Variants in NBL1 observed in about 807,000 individuals in gnomAD.
NBL1 encodes the protein NBL1, DAN family BMP antagonist, also known as neuroblastoma suppressor of tumorigenicity 1.
A neutral mutation model predicts 16.0 loss-of-function variants in NBL1; 9 were observed. That is an observed-to-expected ratio of 0.56 (90% confidence interval 0.34 to 0.98). The LOEUF is 0.98. Among genes scored for constraint, NBL1 ranks in the 50% least tolerant of loss-of-function variants. NBL1 has a pLI of 0.02. For synonymous variants in NBL1, 86 were observed against 100.7 expected (o/e 0.85, Z 0.87); for missense variants, 196 against 243.1 (o/e 0.81, Z 1.29).
At chr1:19,644,106 A>G (rs2094962510), upstream of NBL1, 33 of 972,612 alleles carry the variant, frequency 3.4e-5, no homozygotes, top group South Asian at 1.2e-3. The surrounding 1 kb of genome is among the most constrained non-coding windows in gnomAD (Gnocchi z 4.6). Context: ...GCCGAAGCTC[A>G]GCCCGGGGCG....
chr1:19,656,517 A>T (rs2100449763), intron 3 of NBL1, among the ~76,000 whole-genome samples: 1 of 151,482 alleles, frequency 6.6e-6, no homozygotes. Flanking sequence ...TAGGGGGGCC[A>T]GCCAGCTGGT....
chr1:19,644,199 C>T, upstream of NBL1: 1 of 978,416 alleles, frequency 1.0e-6, no homozygotes, highest in South Asian at 4.7e-5. This position sits in a 1 kb window ranked among gnomAD's most constrained non-coding sequence, Gnocchi z 4.6. Flanking sequence ...CGCGCGCCCG[C>T]CCGCTCTTTC....
At chr1:19,649,004 G>A (rs1267129335) in intron 1 of NBL1, among the ~76,000 whole-genome samples, 1 of 152,184 alleles carries the variant, frequency 6.6e-6, no homozygotes, top group Non-Finnish European at 1.5e-5. Flanking sequence ...ACGCTAGGGT[G>A]TTAACAGGAA....
Position 19,657,896 on chromosome 1 carries a change from C to T in NBL1, c.*767C>T, listed in dbSNP as rs1304065037. On this transcript the variant is annotated 3_prime_UTR_variant, in exon 4 of 4. Transcript: ENST00000375136. ...CAAGACCATCCCTGAAGACGAGCATCCCCCTCCTCTCCCTGTTAGAAATGT... is the reference window on the plus strand; with the variant it reads ...CAAGACCATCCCTGAAGACGAGCATTCCCCTCCTCTCCCTGTTAGAAATGT... 6.5e-6 allele frequency: 1 copy of T among 152,740 alleles called. No homozygotes were observed. The highest frequency in any genetic ancestry group is 1.5e-5 in the Non-Finnish European group (1 of 68,102). The allele number at this position is 152,740 out of a possible 1,614,324, so 9.5% of individuals were successfully genotyped here.
rs1449628794 is a variant in NBL1, at chr1:19,646,211, G to T, written c.-20+1765G>T. ...AAAGCCACCCTGCCGTGAGACTGGGGTCGTGGAATCACAGCGGCCTTAAGC... is the reference window on the plus strand; with the variant it reads ...AAAGCCACCCTGCCGTGAGACTGGGTTCGTGGAATCACAGCGGCCTTAAGC... On this transcript the variant is annotated intron_variant, in intron 1 of 3. Transcript: ENST00000375136. 2.0e-5 allele frequency among the ~76,000 whole-genome samples: 3 copies of T among 152,220 alleles called. No individual in the cohort carries two copies. The South Asian group carries it at 6.2e-4, about 31-fold the overall frequency.
chr1:19,645,767 T>G, intron 1 of NBL1: 60 of 1,341,282 alleles, frequency 4.5e-5, no homozygotes, highest in Middle Eastern at 2.3e-4. Context: ...CCCGGGCCTG[T>G]GTTTTGGAGG....
In NBL1 at chr1:19,656,997, C is replaced by T. The variant is rs556678731; in HGVS notation, c.414C>T (p.Gly138=). 3.7e-5 allele frequency: 59 copies of T among 1,597,610 alleles called. No homozygotes were observed. The highest frequency in any genetic ancestry group is 6.8e-5 in the South Asian group (6 of 88,668). Residue 138 remains glycine, a synonymous_variant, in exon 4 of 4, where the codon GGC becomes GGT. Transcript: ENST00000375136. ...AGGGGCTGAGCGTCTATGTGCAGGG[C>T]GAGGACGGGCCGGGATCCCAGCCCG... The part of the protein sequence containing the change: ...SHEGLSVYVQ[G]EDGPGSQPGT...
intron 1 of NBL1, among the ~76,000 whole-genome samples, chr1:19,646,691 T>C (rs537879309): frequency 2.6e-4 from 40 of 152,298 alleles, no homozygotes; most frequent in African/African-American, 9.6e-4. Context: ...AGCCTGGCAG[T>C]GGGGCACAGC....
chr1:19,650,244 C>T (rs1019649717), intron 1 of NBL1, among the ~76,000 whole-genome samples: 3 of 152,232 alleles, frequency 2.0e-5, no homozygotes, highest in Non-Finnish European at 4.4e-5. Context: ...CCTAATGGCA[C>T]ATTTCTCAGA....
At position 19,656,952 on chromosome 1, in the gene NBL1, C is replaced by T. The variant is rs201365345; in HGVS notation, c.369C>T (p.Cys123=). The T allele has an allele frequency of 1.6e-5, 25 of 1,612,344 alleles. No individual in the cohort carries two copies. The highest frequency in any genetic ancestry group is 3.3e-5 in the Admixed American group (2 of 59,808). ...TCCTGCACTGTAGCTGCCAGGCCTGCGGCAAGGAGCCTAGTCACGAGGGGC... is the reference window on the plus strand; with the variant it reads ...TCCTGCACTGTAGCTGCCAGGCCTGTGGCAAGGAGCCTAGTCACGAGGGGC... ...EKILHCSCQA[C]GKEPSHEGLS... Residue 123 remains cysteine (C), a synonymous_variant, in exon 4 of 4, where the codon TGC becomes TGT. Coordinates refer to ENST00000375136, the MANE Select transcript of NBL1 (RefSeq NM_005380.8).
At chr1:19,652,675 C>T (rs953793422) in intron 1 of NBL1, among the ~76,000 whole-genome samples, 3 of 152,262 alleles carry the variant, frequency 2.0e-5, no homozygotes, top group Non-Finnish European at 1.5e-5. Context: ...GACCCGTGCT[C>T]CCCAGACACT....
intron 1 of NBL1, among the ~76,000 whole-genome samples, chr1:19,648,439 G>A (rs2094998567): frequency 6.6e-6 from 1 of 152,306 alleles, no homozygotes; most frequent in African/African-American, 2.4e-5. Flanking sequence ...ACACGAGGAG[G>A]GCCGGGCCCC....
chr1:19,644,496 G>A lies in NBL1; in HGVS notation c.-20+50G>A. 1.1e-6 allele frequency: 1 copy of A among 951,288 alleles called. No individual in the cohort carries two copies. Among genetic ancestry groups the A allele is most frequent in the Non-Finnish European group, 1.2e-6 (1 of 801,752 alleles). 58.9% of individuals were successfully genotyped at this position (951,288 alleles called of 1,614,324 possible). A position where few individuals can be genotyped will look rare whatever the true frequency, so the allele number is the denominator to read the frequency against. On this transcript the variant is annotated intron_variant, in intron 1 of 3. Transcript: ENST00000375136. The surrounding 1 kb of genome is among the most constrained non-coding windows in gnomAD (Gnocchi z 4.6). ...CGGGCGCCCGGCTTCCAGAGGCTTC[G>A]GCCGCGGGGGCAGTGCCGCGCCCCC...
intron 1 of NBL1, chr1:19,646,007 T>C: frequency 1.9e-6 from 3 of 1,550,344 alleles, no homozygotes; most frequent in Non-Finnish European, 2.6e-6. Context: ...GGAGACTGTT[T>C]TTCGTTTGCG....
intron 1 of NBL1, among the ~76,000 whole-genome samples, chr1:19,653,004 A>G (rs2095035564): frequency 7.5e-6 from 1 of 133,956 alleles, no homozygotes; most frequent in Non-Finnish European, 1.6e-5. Flanking sequence ...ATAGATAAGT[A>G]AGGCCGGGCG....
chr1:19,653,153 G>A (rs1338566172), intron 1 of NBL1, among the ~76,000 whole-genome samples: 1 of 151,722 alleles, frequency 6.6e-6, no homozygotes, highest in East Asian at 1.9e-4. Flanking sequence ...GGGGCATGGT[G>A]GTGGGCGCCT....
intron 1 of NBL1, among the ~76,000 whole-genome samples, chr1:19,653,866 G>A (rs147523987): frequency 2.1e-3 from 313 of 152,338 alleles, no homozygotes; most frequent in African/African-American, 7.2e-3. Context: ...GCCCTGCAGC[G>A]CCACCTTTTG....
chr1:19,656,885 G>A lies in NBL1; in HGVS notation c.302G>A (p.Gly101Asp). ...MWEIVTLECPGHEEVPRVDKL... is the reference protein window; with the variant it reads ...MWEIVTLECPDHEEVPRVDKL... ...CTGCAGGTGACGCTGGAGTGCCCGG[G>A]CCACGAGGAGGTGCCCAGGGTGGAC... Residue 101 changes from glycine to aspartate, a missense_variant, in exon 4 of 4, where the codon GGC becomes GAC. By Grantham distance (94) the Gly-to-Asp change is moderately conservative (BLOSUM62 -1). Coordinates refer to ENST00000375136, the MANE Select transcript of NBL1 (RefSeq NM_005380.8). 6.2e-7 allele frequency: 1 copy of A among 1,612,160 alleles called. No individual in the cohort carries two copies. The highest frequency in any genetic ancestry group is 1.1e-5 in the South Asian group (1 of 90,978).
intron 3 of NBL1, among the ~76,000 whole-genome samples, chr1:19,655,799 C>T (rs1047115105): frequency 1.3e-5 from 2 of 152,214 alleles, no homozygotes; most frequent in African/African-American, 4.8e-5. Context: ...CTGCTTCCTG[C>T]CTTCCTTAGT....
Sources: gnomAD v4.1 joint callset for allele counts (sites outside exome capture counted in the v4.1 genomes callset) on GRCh38, gnomAD v4.1.1 for gene constraint, Gnocchi (gnomAD v3.1) non-coding constraint, MANE v1.5 for transcripts, NCBI Gene and HGNC (gene_info 2026-07-23, HGNC 2026-07-21) for gene names.